EXOC4: variants seen among roughly 807,000 people sequenced by gnomAD.
EXOC4 encodes the protein SEC8-like 1.
A neutral mutation model predicts 107.2 loss-of-function variants in EXOC4; 71 were observed. The observed-to-expected ratio is 0.66, with a 90% CI of 0.55 to 0.81. The LOEUF is 0.81. EXOC4 is among the 30% of genes least tolerant of loss of function. EXOC4 has a pLI of 0.00. For missense variants in EXOC4, 1,108 were observed against 1,189.6 expected (o/e 0.93, Z 1.01); for synonymous variants, 456 against 441.2 (o/e 1.03, Z -0.42).
chr7:133,839,834 A>C (rs758179039), intron 11 of EXOC4, among the ~76,000 whole-genome samples: 2 of 152,196 alleles, frequency 1.3e-5, no homozygotes, highest in Non-Finnish European at 2.9e-5. Context: ...TCATGCACTT[A>C]TTTAGCCAAC....
At chr7:133,768,869 G>C (rs1052861013) in intron 10 of EXOC4, among the ~76,000 whole-genome samples, 1 of 151,894 alleles carries the variant, frequency 6.6e-6, no homozygotes, top group Admixed American at 6.6e-5. Context: ...TGTGGTAAGT[G>C]CTATGGAAGA....
intron 5 of EXOC4, among the ~76,000 whole-genome samples, chr7:133,337,747 C>T (rs924779799): frequency 1.3e-5 from 2 of 150,106 alleles, no homozygotes; most frequent in Admixed American, 6.7e-5. Context: ...GATCCTCCCA[C>T]CTCAGCCTCC....
chr7:133,826,665 G>A (rs1408256742), intron 11 of EXOC4, among the ~76,000 whole-genome samples: 1 of 152,090 alleles, frequency 6.6e-6, no homozygotes, highest in Non-Finnish European at 1.5e-5. Context: ...ATCCAACAGT[G>A]TTAACAGGAG....
chr7:134,099,228 A>G, the EXOC4 span, among the ~76,000 whole-genome samples: 14 of 152,160 alleles, frequency 9.2e-5, no homozygotes, highest in Non-Finnish European at 1.5e-4. Context: ...GACTCAGGAC[A>G]TGCTACCAAC....
At chr7:133,983,153 G>A (rs1006562946) in intron 14 of EXOC4, among the ~76,000 whole-genome samples, 5 of 152,190 alleles carry the variant, frequency 3.3e-5, no homozygotes, top group African/African-American at 7.2e-5. Context: ...ATATTCACAC[G>A]CTTTAAACAA....
chr7:133,475,452 G>T lies in EXOC4; in HGVS notation c.1307G>T (p.Arg436Met). The change falls in exon 8 of 18, where the codon AGG becomes ATG. Residue 436 changes from arginine (R) to methionine (M), a missense_variant. Transcript: ENST00000253861. ...AAFFAKKKPQ[R>M]PKNSLFKFES... is the part of the protein sequence containing the mutation. The stretch of plus-strand genomic sequence containing the variant: ...TTTTTTGCCAAGAAGAAACCTCAAA[G>T]GCCAAAAAATTCTCTTTTCAAGTAA... The T allele has an allele frequency of 6.2e-7, 1 of 1,613,540 alleles. No homozygotes were observed.
chr7:133,986,784 A>C (rs1794125173), intron 14 of EXOC4, among the ~76,000 whole-genome samples: 2 of 152,252 alleles, frequency 1.3e-5, no homozygotes, highest in South Asian at 4.1e-4. Flanking sequence ...ACAGTAGTAC[A>C]GAGAAATTAT....
At chr7:133,337,637 C>CTTTTTTTTTTT (rs10611286) in intron 5 of EXOC4, among the ~76,000 whole-genome samples, 1 of 86,152 alleles carries the variant, frequency 1.2e-5, no homozygotes, top group Non-Finnish European at 2.3e-5. Context: ...CCTTCCTTCC[C>CTTTTTTTTTTT]TTTTTTTTTT....
chr7:133,762,794 G>A (rs1368581772), intron 10 of EXOC4, among the ~76,000 whole-genome samples: 5 of 152,044 alleles, frequency 3.3e-5, no homozygotes, highest in Non-Finnish European at 7.4e-5. Context: ...TTTCCGAATA[G>A]TATGTACAAT....
At chr7:133,383,097 C>T (rs565433593) in intron 7 of EXOC4, among the ~76,000 whole-genome samples, 35 of 152,132 alleles carry the variant, frequency 2.3e-4, no homozygotes, top group Non-Finnish European at 4.1e-4. Flanking sequence ...TCCAAAATGA[C>T]ACCTACTTGG....
At chr7:133,698,217 G>A (rs916440437) in intron 10 of EXOC4, among the ~76,000 whole-genome samples, 3 of 152,000 alleles carry the variant, frequency 2.0e-5, no homozygotes, top group Non-Finnish European at 4.4e-5. Flanking sequence ...GGGGGTGGTG[G>A]TGGGGGAATC....
chr7:133,464,665 A>G (rs1337017657), intron 7 of EXOC4, among the ~76,000 whole-genome samples: 1 of 151,952 alleles, frequency 6.6e-6, no homozygotes. Flanking sequence ...ACTGAGAAAG[A>G]CTCTGTGATG....
chr7:133,347,669 C>T lies in EXOC4; in HGVS notation c.764-8661C>T, dbSNP rs190284737. 8.3e-4 allele frequency among the ~76,000 whole-genome samples: 127 copies of T among 152,296 alleles called. 1 individual carries two copies. Among genetic ancestry groups the T allele is most frequent in the African/African-American group, 2.8e-3 (117 of 41,570 alleles). On this transcript the variant is annotated intron_variant, in intron 5 of 17. Coordinates refer to ENST00000253861, the MANE Select transcript of EXOC4 (RefSeq NM_021807.4). ...CCTCCTTTCATGATTCCATTCTTAG[C>T]TTCAATCACAGAGATGATTTATAGC...
chr7:133,906,361 C>T (rs1563052271), intron 12 of EXOC4, among the ~76,000 whole-genome samples: 1 of 152,186 alleles, frequency 6.6e-6, no homozygotes, highest in Admixed American at 6.5e-5. Flanking sequence ...ATCCCTAAGC[C>T]TTGCTGGGAA....
intron 9 of EXOC4, chr7:133,576,790 G>A: frequency 7.8e-7 from 1 of 1,289,440 alleles, no homozygotes; most frequent in Non-Finnish European, 1.0e-6. Flanking sequence ...CACCCAGACA[G>A]CCCTTCTGTG....
intron 10 of EXOC4, among the ~76,000 whole-genome samples, chr7:133,805,818 T>A (rs2551010): frequency 0.86 from 131,612 of 152,242 alleles, 57,084 homozygotes; most frequent in East Asian, 0.99. Context: ...GTCATATATT[T>A]TATAAGTTGA....
chr7:133,883,597 C>G (rs2116459277), intron 11 of EXOC4, among the ~76,000 whole-genome samples: 1 of 151,710 alleles, frequency 6.6e-6, no homozygotes, highest in East Asian at 1.9e-4. Flanking sequence ...GAGCTATGAT[C>G]ACACTACTGC....
intron 10 of EXOC4, among the ~76,000 whole-genome samples, chr7:133,668,598 A>G (rs759402067): frequency 3.3e-5 from 5 of 152,234 alleles, no homozygotes; most frequent in African/African-American, 4.8e-5. Context: ...AGTGTTAAGC[A>G]TGTGTCCTGG....
At chr7:133,448,299 A>G (rs1346364017) in intron 7 of EXOC4, among the ~76,000 whole-genome samples, 2 of 151,602 alleles carry the variant, frequency 1.3e-5, no homozygotes, top group Non-Finnish European at 2.9e-5. Flanking sequence ...CTCATTCTTC[A>G]TATGTCTTTT....
Sources: allele counts gnomAD v4.1 joint callset (sites outside exome capture counted in the v4.1 genomes callset), GRCh38; gene constraint gnomAD v4.1.1; transcripts MANE v1.5; gene names NCBI Gene and HGNC (gene_info 2026-07-23, HGNC 2026-07-21).